The following CCDC122 variants were observed in gnomAD, a reference collection of about 807,000 sequenced individuals.
CCDC122 encodes the protein coiled-coil domain-containing protein 122.
In CCDC122, 38 loss-of-function variants were observed where a neutral mutation model predicts 37.0. That is an observed-to-expected ratio of 1.03 (90% CI 0.79 to 1.35). CCDC122 has a LOEUF of 1.35. CCDC122 is among the 40% of genes most tolerant of loss of function. CCDC122 has a pLI of 0.00. For missense variants in CCDC122, 305 were observed against 310.0 expected, an observed-to-expected ratio of 0.98 and a Z score of 0.12; for synonymous variants, 83 against 95.6, an observed-to-expected ratio of 0.87 and a Z score of 0.77.
chr13:43,868,888 A>G (rs1408503300), intron 3 of CCDC122, 85 bp from the exon 4 acceptor site: 2 of 633,074 alleles, frequency 3.2e-6, no homozygotes, highest in African/African-American at 3.8e-5. Context: ...ACTCAAAATC[A>G]TGAAATATTT....
intron 4 of CCDC122, among the ~76,000 whole-genome samples, chr13:43,864,675 C>T (rs1003344416): frequency 6.6e-6 from 1 of 152,186 alleles, no homozygotes; most frequent in Non-Finnish European, 1.5e-5. Context: ...ACACCTCCCA[C>T]TGGGCCCCAT....
chr13:43,833,519 G>A (rs749283868), downstream of CCDC122, among the ~76,000 whole-genome samples: 2 of 152,216 alleles, frequency 1.3e-5, no homozygotes, highest in Non-Finnish European at 2.9e-5. Context: ...AAATCAAGGA[G>A]TGGGGAAGAA....
chr13:43,875,147 T>C (rs1480956257), intron 1 of CCDC122, among the ~76,000 whole-genome samples: 3 of 152,188 alleles, frequency 2.0e-5, no homozygotes, highest in African/African-American at 7.2e-5. Flanking sequence ...CTTTAAAGGA[T>C]GTCCAGGCAA....
At chr13:43,839,509 G>A (rs1035597391) in intron 6 of CCDC122, among the ~76,000 whole-genome samples, 1 of 152,136 alleles carries the variant, frequency 6.6e-6, no homozygotes, top group Non-Finnish European at 1.5e-5. Context: ...GAACATTTGA[G>A]TTGGTTCCAC....
chr13:43,837,490 A>C, intron 6 of CCDC122, 61 bp from the exon 7 acceptor site: 1 of 1,470,720 alleles, frequency 6.8e-7, no homozygotes, highest in Middle Eastern at 1.8e-4. Flanking sequence ...AACAGCCATA[A>C]ATAATATTTT....
At chr13:43,869,136 G>A (rs1368780502) in intron 3 of CCDC122, among the ~76,000 whole-genome samples, 195 bp downstream of exon 3, 1 of 151,918 alleles carries the variant, frequency 6.6e-6, no homozygotes, top group African/African-American at 2.4e-5. Flanking sequence ...AATTAGAGTT[G>A]ATGCATTTTC....
At chr13:43,848,891 A>G in intron 6 of CCDC122, 3 of 981,548 alleles carry the variant, frequency 3.1e-6, no homozygotes, top group Non-Finnish European at 3.6e-6. Flanking sequence ...AAGAGATAGA[A>G]AAAAGACTCC....
chr13:43,843,486 T>C (rs1342947788), intron 6 of CCDC122, among the ~76,000 whole-genome samples: 1 of 152,016 alleles, frequency 6.6e-6, no homozygotes, highest in Non-Finnish European at 1.5e-5. Context: ...CTTGCATCTA[T>C]ACTCATGAGG....
intron 3 of CCDC122, among the ~76,000 whole-genome samples, chr13:43,828,287 C>T (rs1212052106): frequency 6.6e-6 from 1 of 152,056 alleles, no homozygotes; most frequent in Non-Finnish European, 1.5e-5. Context: ...CATCAGAGCA[C>T]GCATTATGTG....
rs642329 is a variant in CCDC122 at position 43,848,014 on chromosome 13, A to G, written c.673-10585T>C. Among the ~76,000 whole-genome samples the G allele has an allele frequency of 3.2e-3, 482 of 152,246 alleles. 1 individual carries two copies. The highest frequency in any genetic ancestry group is 0.011 in the African/African-American group (450 of 41,548). On this transcript the variant is annotated intron_variant, in intron 6 of 6. Transcript: ENST00000444614. ...GGTCTCAAACTCTTGGGCTCAAGTG[A>G]TCCACCCACCTTGGCCTCCCAAAGT... is the stretch of plus-strand genomic sequence containing the variant.
chr13:43,853,583 A>C (rs1352407358), intron 6 of CCDC122, among the ~76,000 whole-genome samples: 1 of 152,164 alleles, frequency 6.6e-6, no homozygotes, highest in Non-Finnish European at 1.5e-5. Context: ...ACAGATCATC[A>C]AGAGAGAAAA....
At chr13:43,873,347 CAA>C (rs1357263728) in intron 2 of CCDC122, among the ~76,000 whole-genome samples, 1 of 152,148 alleles carries the variant, frequency 6.6e-6, no homozygotes, top group African/African-American at 2.4e-5. Context: ...CAATATATCA[CAA>C]ACTGAACTTT....
chr13:43,850,827 G>C (rs1953702630), intron 6 of CCDC122, among the ~76,000 whole-genome samples: 1 of 152,130 alleles, frequency 6.6e-6, no homozygotes, highest in Non-Finnish European at 1.5e-5. Context: ...GAGAAGCTGA[G>C]AGAACTCCAA....
intron 6 of CCDC122, among the ~76,000 whole-genome samples, chr13:43,857,279 C>G (rs1309438540): frequency 6.6e-6 from 1 of 151,968 alleles, no homozygotes; most frequent in African/African-American, 2.4e-5. Context: ...AGAATGGAGT[C>G]TTGTTCTTTC....
chr13:43,872,538 T>A (rs1004623529), intron 2 of CCDC122, among the ~76,000 whole-genome samples: 2 of 152,118 alleles, frequency 1.3e-5, no homozygotes, highest in Admixed American at 1.3e-4. Flanking sequence ...GAGTTGGTAA[T>A]TTACCTTCTA....
At position 43,868,686 on chromosome 13, in the gene CCDC122, GAAGTTACCTTCA is replaced by G; in HGVS notation, c.152_156+7del. 6.9e-7 allele frequency: 1 copy of G among 1,450,150 alleles called. No homozygotes were observed. Among genetic ancestry groups the G allele is most frequent in the Non-Finnish European group, 9.4e-7 (1 of 1,067,466 alleles). The allele number at this position is 1,450,150 out of a possible 1,614,324, so 89.8% of individuals were successfully genotyped here. On this transcript the variant is annotated splice_donor_variant and splice_donor_5th_base_variant and coding_sequence_variant and intron_variant, in exon 4 of 7. Coordinates refer to ENST00000444614, the MANE Select transcript of CCDC122 (RefSeq NM_144974.5). LOFTEE classifies it high-confidence loss of function. The stretch of plus-strand genomic sequence containing the variant: ...AAAGACATTTAAAAGACTATATAAA[GAAGTTACCTTCA>G]AATTGAACAGAACCTTTTTGTTTTT...
At chr13:43,872,863 T>C (rs1168849343) in intron 2 of CCDC122, among the ~76,000 whole-genome samples, 1 of 151,996 alleles carries the variant, frequency 6.6e-6, no homozygotes, top group African/African-American at 2.4e-5. Context: ...ATTTCTTTGC[T>C]CCCCTTTAAA....
intron 6 of CCDC122, among the ~76,000 whole-genome samples, chr13:43,851,652 G>A (rs2153872847): frequency 6.6e-6 from 1 of 152,340 alleles, no homozygotes; most frequent in African/African-American, 2.4e-5. Context: ...CTGCTGGCAT[G>A]CACAAACAAG....
At chr13:43,877,162 TTTAAG>T (rs779641648) in intron 1 of CCDC122, among the ~76,000 whole-genome samples, 20 of 152,326 alleles carry the variant, frequency 1.3e-4, no homozygotes, top group Non-Finnish European at 2.6e-4. Context: ...CACAGGTGCC[TTTAAG>T]TTATTTTCCC....
Sources: allele counts gnomAD v4.1 joint callset (sites outside exome capture counted in the v4.1 genomes callset), GRCh38; gene constraint gnomAD v4.1.1; transcripts MANE v1.5; gene names NCBI Gene and HGNC (gene_info 2026-07-23, HGNC 2026-07-21).